ENAH: variants seen among roughly 807,000 people sequenced by gnomAD.
ENAH encodes ENAH actin regulator.
A neutral mutation model predicts 78.7 loss-of-function variants in ENAH; 23 were observed. The observed-to-expected ratio is 0.29, with a 90% confidence interval of 0.21 to 0.41. The LOEUF is 0.41. ENAH is among the 10% of genes least tolerant of loss of function. ENAH has a pLI of 1.00. For synonymous variants in ENAH, 226 were observed against 241.0 expected (o/e 0.94, Z 0.58); for missense variants, 544 against 691.0 (o/e 0.79, Z 2.39).
intron 1 of ENAH, among the ~76,000 whole-genome samples, chr1:225,647,658 A>C (rs971182946): frequency 5.3e-5 from 8 of 152,234 alleles, no homozygotes; most frequent in Non-Finnish European, 1.2e-4. Context: ...AAATTATGTT[A>C]TTAACATTTA....
intron 1 of ENAH, among the ~76,000 whole-genome samples, chr1:225,624,127 T>C (rs529691398): frequency 6.6e-6 from 1 of 152,266 alleles, no homozygotes; most frequent in Non-Finnish European, 1.5e-5. Context: ...TTGAAAAACA[T>C]AAAAACTTTA....
At chr1:225,606,359 G>C (rs182778847) in intron 1 of ENAH, among the ~76,000 whole-genome samples, 1 of 151,852 alleles carries the variant, frequency 6.6e-6, no homozygotes, top group Non-Finnish European at 1.5e-5. Flanking sequence ...CTACTCGGGA[G>C]GCTGAGGCAG....
intron 1 of ENAH, chr1:225,652,266 A>G (rs923698249): frequency 1.1e-6 from 1 of 899,382 alleles, no homozygotes; most frequent in South Asian, 5.1e-5. Flanking sequence ...ATTAAACACG[A>G]GAGTTCGGAG....
intron 1 of ENAH, among the ~76,000 whole-genome samples, chr1:225,624,440 A>G (rs1657565634): frequency 6.6e-6 from 1 of 152,086 alleles, no homozygotes; most frequent in African/African-American, 2.4e-5. Flanking sequence ...CCTGGCCAAC[A>G]TGGTGAAACC....
intron 3 of ENAH, among the ~76,000 whole-genome samples, chr1:225,548,210 CTTT>C (rs74723965): frequency 6.9e-6 from 1 of 144,174 alleles, no homozygotes. Flanking sequence ...TTTTCATTTT[CTTT>C]TTTTTTTTTG....
At chr1:225,583,888 C>T (rs1167140404) in intron 1 of ENAH, among the ~76,000 whole-genome samples, 1 of 151,960 alleles carries the variant, frequency 6.6e-6, no homozygotes, top group Non-Finnish European at 1.5e-5. Flanking sequence ...CACAGTGGCT[C>T]GCACCTGTAA....
At chr1:225,644,634 T>G (rs1018293511) in intron 1 of ENAH, among the ~76,000 whole-genome samples, 11 of 152,294 alleles carry the variant, frequency 7.2e-5, no homozygotes, top group African/African-American at 1.7e-4. Context: ...TTCTTGGTTC[T>G]TCATAAAGCT....
chr1:225,624,450 C>A (rs1052768361), intron 1 of ENAH, among the ~76,000 whole-genome samples: 9 of 151,964 alleles, frequency 5.9e-5, no homozygotes, highest in Admixed American at 5.2e-4. Context: ...ATGGTGAAAC[C>A]GCGTCTATAC....
chr1:225,614,933 A>C (rs2097016020), intron 1 of ENAH, among the ~76,000 whole-genome samples: 1 of 152,070 alleles, frequency 6.6e-6, no homozygotes, highest in Non-Finnish European at 1.5e-5. Flanking sequence ...CCACAACCTC[A>C]ATACCCTTCT....
intron 1 of ENAH, among the ~76,000 whole-genome samples, chr1:225,607,206 TAAC>T (rs901376139): frequency 3.9e-5 from 6 of 151,936 alleles, no homozygotes; most frequent in Non-Finnish European, 7.4e-5. Flanking sequence ...TAAAATACAC[TAAC>T]AACAACGACA....
chr1:225,576,899 C>G (rs1300324894), intron 1 of ENAH, among the ~76,000 whole-genome samples: 2 of 152,152 alleles, frequency 1.3e-5, no homozygotes, highest in African/African-American at 4.8e-5. Flanking sequence ...CTTTGGGAGG[C>G]TGAGGCAGGT....
At chr1:225,518,388 A>C (rs2096438879) in intron 5 of ENAH, among the ~76,000 whole-genome samples, 1 of 152,210 alleles carries the variant, frequency 6.6e-6, no homozygotes, top group Non-Finnish European at 1.5e-5. Context: ...AAATAGCAAA[A>C]CTAGTAAAGC....
intron 1 of ENAH, among the ~76,000 whole-genome samples, chr1:225,589,553 T>C (rs902957538): frequency 6.6e-6 from 1 of 152,202 alleles, no homozygotes. Context: ...CCTATACACA[T>C]CCTCTGGTAT....
chr1:225,512,461 T>G (rs2096384892), intron 9 of ENAH, among the ~76,000 whole-genome samples, 196 bp downstream of exon 9: 1 of 152,170 alleles, frequency 6.6e-6, no homozygotes, highest in Non-Finnish European at 1.5e-5. Context: ...CATATTCAAC[T>G]CACTTTACTA....
At chr1:225,621,768 T>C (rs1166020587) in intron 1 of ENAH, among the ~76,000 whole-genome samples, 1 of 152,122 alleles carries the variant, frequency 6.6e-6, no homozygotes, top group Non-Finnish European at 1.5e-5. Context: ...CACTCCTAAA[T>C]TTACCATTTA....
At chr1:225,645,562 C>T (rs1270807393) in intron 1 of ENAH, among the ~76,000 whole-genome samples, 1 of 152,144 alleles carries the variant, frequency 6.6e-6, no homozygotes, top group Non-Finnish European at 1.5e-5. Context: ...CTGGGTCATA[C>T]GATAACTCTA....
rs557972775 is a variant in ENAH at position 225,565,559 on chromosome 1, T to C, written c.171+1690A>G. On this transcript the variant is annotated intron_variant, in intron 2 of 13. Coordinates refer to ENST00000366843, the MANE Select transcript of ENAH (RefSeq NM_018212.6). ...CAATTCACTAAATTTACCAAAAACG[T>C]AGTTTCTTTACAGCTATTAGTTTGG... 2.6e-5 allele frequency among the ~76,000 whole-genome samples: 4 copies of C among 152,314 alleles called. No individual in the cohort carries two copies. The South Asian group carries it at 6.2e-4, about 24-fold the overall frequency.
chr1:225,583,009 A>G (rs191634634), intron 1 of ENAH, among the ~76,000 whole-genome samples: 1 of 152,366 alleles, frequency 6.6e-6, no homozygotes, highest in East Asian at 1.9e-4. Context: ...ACATCTTCAT[A>G]TTGTACTGCA....
chr1:225,609,656 ATTT>A (rs59508510), intron 1 of ENAH, among the ~76,000 whole-genome samples: 47 of 76,484 alleles, frequency 6.1e-4, no homozygotes, highest in South Asian at 4.6e-3. Context: ...GGAAAAATGG[ATTT>A]TTTTTTTTTT....
Sources: gnomAD v4.1 joint callset for allele counts (sites outside exome capture counted in the v4.1 genomes callset) on GRCh38, gnomAD v4.1.1 for gene constraint, MANE v1.5 for transcripts, NCBI Gene and HGNC (gene_info 2026-07-23, HGNC 2026-07-21) for gene names.